Variants in GSK3B observed in about 807,000 individuals in gnomAD.
GSK3B encodes glycogen synthase kinase 3 beta, also known as glycogen synthase kinase-3 beta.
In GSK3B, 15 loss-of-function variants were observed where a neutral mutation model predicts 56.4. The ratio of observed to expected loss-of-function variants is 0.27; its 90% CI spans 0.18 to 0.41. The LOEUF is 0.41. Ranked by LOEUF, GSK3B falls within the 10% of genes least tolerant of loss-of-function variation. The pLI is 1.00. For synonymous variants in GSK3B, 181 were observed against 188.9 expected, an observed-to-expected ratio of 0.96 and a Z score of 0.34; for missense variants, 300 against 513.4, an observed-to-expected ratio of 0.58 and a Z score of 4.02.
At chr3:119,984,259 G>T (rs1210744613) in intron 2 of GSK3B, among the ~76,000 whole-genome samples, 1 of 152,128 alleles carries the variant, frequency 6.6e-6, no homozygotes, top group East Asian at 1.9e-4. Context: ...AAGCAGCAAA[G>T]ATCTAAAATT....
intron 4 of GSK3B, among the ~76,000 whole-genome samples, chr3:119,923,131 CTG>C (rs2056859503): frequency 6.6e-6 from 1 of 152,232 alleles, no homozygotes; most frequent in South Asian, 2.1e-4. Flanking sequence ...CTATAAATGT[CTG>C]TGAAAAATAT....
At chr3:120,029,559 G>A in intron 1 of GSK3B, 3 of 604,892 alleles carry the variant, frequency 5.0e-6, no homozygotes, top group Non-Finnish European at 9.5e-6. Context: ...TGGTGCATCT[G>A]GCACCATCAT....
intron 2 of GSK3B, among the ~76,000 whole-genome samples, chr3:119,959,506 CT>C (rs34702117): frequency 0.54 from 48,402 of 88,916 alleles, 13,088 homozygotes; most frequent in East Asian, 0.77. Flanking sequence ...TTCTCTCTGA[CT>C]TTTTTTTTTT....
chr3:119,876,785 G>A (rs568302512), intron 7 of GSK3B, among the ~76,000 whole-genome samples: 7 of 152,110 alleles, frequency 4.6e-5, no homozygotes, highest in African/African-American at 1.7e-4. Flanking sequence ...TAAAGTGGAA[G>A]CAGGATTGTT....
At chr3:119,959,446 TCCACTC>T (rs1423649983) in intron 2 of GSK3B, among the ~76,000 whole-genome samples, 1 of 151,794 alleles carries the variant, frequency 6.6e-6, no homozygotes, top group Non-Finnish European at 1.5e-5. Context: ...TGTTGGCAAT[TCCACTC>T]CTCTAGTTGC....
intron 1 of GSK3B, 59 bp downstream of exon 1, chr3:120,093,288 G>C (rs2058529708): frequency 5.5e-6 from 6 of 1,083,420 alleles, no homozygotes; most frequent in Non-Finnish European, 8.6e-6. Flanking sequence ...CTGGTATTTC[G>C]AGGTTTCTTA....
intron 1 of GSK3B, among the ~76,000 whole-genome samples, chr3:120,031,785 TGTCC>T (rs1465678903): frequency 1.3e-5 from 2 of 152,274 alleles, no homozygotes; most frequent in African/African-American, 4.8e-5. Flanking sequence ...TTTAATGCAC[TGTCC>T]ATGAGGAGAT....
Position 119,824,123 on chromosome 3 carries a change from T to A in GSK3B, c.*2665A>T, listed in dbSNP as rs1379626269. 5.0e-6 allele frequency: 1 copy of A among 201,990 alleles called. No homozygotes were observed. The highest frequency in any genetic ancestry group is 2.3e-5 in the African/African-American group (1 of 43,608). The allele number at this position is 201,990 out of a possible 1,614,324, so 12.5% of individuals were successfully genotyped here. The stretch of plus-strand genomic sequence containing the variant: ...GTAACTTTTTGCTCATTAATAACAG[T>A]TCCTGGGTCCACATATTTACATACA... On this transcript the variant is annotated 3_prime_UTR_variant, in exon 11 of 11. Coordinates refer to ENST00000264235, the MANE Select transcript of GSK3B (RefSeq NM_001146156.2).
rs73854762 is a variant in GSK3B, at chr3:120,000,571, G to A, written c.282+1475C>T. Among the ~76,000 whole-genome samples, 963 of 152,124 alleles carry A rather than the reference G, an allele frequency of 6.3e-3. 11 individuals carry two copies. The highest frequency in any genetic ancestry group is 0.02 in the African/African-American group (824 of 41,486). The stretch of plus-strand genomic sequence containing the variant: ...GTTTACCATAGATCTTGGTACATTG[G>A]AGGCTCCCACTAAAATGTTGCAGAG... On this transcript the variant is annotated intron_variant, in intron 2 of 10. Coordinates refer to ENST00000264235, the MANE Select transcript of GSK3B (RefSeq NM_001146156.2).
intron 7 of GSK3B, among the ~76,000 whole-genome samples, chr3:119,887,840 A>AT (rs2056456261): frequency 1.3e-5 from 2 of 152,114 alleles, no homozygotes; most frequent in African/African-American, 4.8e-5. Flanking sequence ...CAAAGTGAAA[A>AT]TCTTCAAGAA....
intron 6 of GSK3B, among the ~76,000 whole-genome samples, chr3:119,907,027 A>G (rs2056689236): frequency 6.6e-6 from 1 of 152,118 alleles, no homozygotes; most frequent in African/African-American, 2.4e-5. Context: ...CCTATTTAAT[A>G]TATTAGGAAA....
At chr3:119,934,184 A>T (rs2056972239) in intron 3 of GSK3B, among the ~76,000 whole-genome samples, 1 of 152,224 alleles carries the variant, frequency 6.6e-6, no homozygotes, top group African/African-American at 2.4e-5. Flanking sequence ...GGAATAAAGT[A>T]TGGAAAGAGT....
At chr3:119,892,591 C>A (rs1477636583) in intron 7 of GSK3B, among the ~76,000 whole-genome samples, 2 of 152,126 alleles carry the variant, frequency 1.3e-5, no homozygotes, top group Non-Finnish European at 2.9e-5. Context: ...GTCTCTGAAG[C>A]CCCTGAAGGC....
intron 3 of GSK3B, 23 bp downstream of exon 3, chr3:119,947,245 T>C (rs747768739): frequency 8.0e-7 from 1 of 1,244,932 alleles, no homozygotes; most frequent in Non-Finnish European, 1.2e-6. Context: ...CAATATTCAG[T>C]ACACACTTTG....
chr3:120,004,545 G>GC (rs1038556803), intron 1 of GSK3B, among the ~76,000 whole-genome samples: 1 of 152,162 alleles, frequency 6.6e-6, no homozygotes. Flanking sequence ...ACAGGTGGGT[G>GC]CCCCTCTGGG....
At chr3:119,840,381 C>G (rs1264824411) in intron 10 of GSK3B, among the ~76,000 whole-genome samples, 3 of 152,038 alleles carry the variant, frequency 2.0e-5, no homozygotes, top group Non-Finnish European at 2.9e-5. Context: ...TGCATCACCA[C>G]GTCCGGCTAA....
chr3:120,028,235 C>T (rs1482722870), intron 1 of GSK3B, among the ~76,000 whole-genome samples: 1 of 152,198 alleles, frequency 6.6e-6, no homozygotes, highest in Non-Finnish European at 1.5e-5. Context: ...TTATTAATCA[C>T]TATGTGACTG....
At chr3:119,971,723 T>G (rs983417037) in intron 2 of GSK3B, among the ~76,000 whole-genome samples, 3 of 143,446 alleles carry the variant, frequency 2.1e-5, no homozygotes, top group African/African-American at 7.7e-5. Context: ...GCCATTCTCC[T>G]GCCTCAGCCT....
intron 2 of GSK3B, among the ~76,000 whole-genome samples, chr3:119,972,998 C>T (rs948502631): frequency 1.6e-4 from 24 of 152,096 alleles, no homozygotes; most frequent in African/African-American, 5.3e-4. Context: ...TCAGTGGATG[C>T]CTGGCTCCTC....
Sources: gnomAD v4.1 joint callset for allele counts (sites outside exome capture counted in the v4.1 genomes callset) on GRCh38, gnomAD v4.1.1 for gene constraint, MANE v1.5 for transcripts, NCBI Gene and HGNC (gene_info 2026-07-23, HGNC 2026-07-21) for gene names.